Variants in IQUB observed in about 807,000 individuals in gnomAD.
IQUB encodes the protein IQ motif and ubiquitin-like domain-containing protein.
IQUB carries 86 observed loss-of-function variants against 86.4 expected under a neutral mutation model. The observed-to-expected ratio is 1.00, with a 90% confidence interval of 0.84 to 1.19. The LOEUF is 1.19. Ranked by LOEUF, IQUB falls within the 50% of genes most tolerant of loss-of-function variation. The probability of loss-of-function intolerance (pLI) is 0.00; values close to 1 mark genes in which losing one functional copy is unlikely to be tolerated. For missense variants in IQUB, 946 were observed against 916.9 expected, an observed-to-expected ratio of 1.03 and a Z score of -0.41; for synonymous variants, 289 against 304.5, an observed-to-expected ratio of 0.95 and a Z score of 0.53.
At chr7:123,462,880 T>A (rs1463012404) in intron 10 of IQUB, 1 of 454,006 alleles carries the variant, frequency 2.2e-6, no homozygotes, top group Admixed American at 2.4e-5. Flanking sequence ...ATGATTATGA[T>A]GACAGAGGGC....
At chr7:123,483,650 T>C (rs556717068) in intron 7 of IQUB, among the ~76,000 whole-genome samples, 1 of 152,222 alleles carries the variant, frequency 6.6e-6, no homozygotes, top group South Asian at 2.1e-4. Flanking sequence ...TCTCCTTGGC[T>C]GGACATACTA....
chr7:123,522,406 G>C (rs1796948790), intron 1 of IQUB, among the ~76,000 whole-genome samples: 1 of 152,288 alleles, frequency 6.6e-6, no homozygotes, highest in East Asian at 1.9e-4. Context: ...CACAGTTCCT[G>C]ATACTTACTA....
Position 123,503,363 on chromosome 7 carries a change from C to G in IQUB, c.533G>C (p.Gly178Ala), listed in dbSNP as rs375376400. ...AGTCTCATTATTTTTAAGAATTTTT[C>G]CTAAAAATTGAAATAAAATTTTTAA... ...PHSVLQIRYS[G>A]KILKNNETLV... The change falls in exon 4 of 13, where the codon GGA (glycine) becomes GCA (alanine). Residue 178 changes from glycine (G) to alanine (A), a missense_variant and splice_region_variant. Gly to Ala is a moderately conservative substitution (Grantham distance 60). Transcript: ENST00000324698. 65 of 1,459,246 alleles carry G rather than the reference C, an allele frequency of 4.5e-5. No homozygotes were observed. Among genetic ancestry groups the G allele is most frequent in the Non-Finnish European group, 5.6e-5 (60 of 1,080,924 alleles). 90.4% of individuals were successfully genotyped at this position (1,459,246 alleles called of 1,614,324 possible).
At chr7:123,462,629 G>C in intron 10 of IQUB, 1 of 256,154 alleles carries the variant, frequency 3.9e-6, no homozygotes, top group Admixed American at 4.4e-5. Flanking sequence ...TATGATCAAA[G>C]ATCAAGAAGA....
At position 123,512,859 on chromosome 7, in the gene IQUB, A is replaced by G. The variant is rs149289858; in HGVS notation, c.-4-515T>C. 1.9e-3 allele frequency among the ~76,000 whole-genome samples: 286 copies of G among 152,238 alleles called. 2 individuals carry two copies. Among genetic ancestry groups the G allele is most frequent in the African/African-American group, 6.6e-3 (273 of 41,552 alleles). ...AATAAACCTATTACAACAAATATGG[A>G]TTGAGCTTGGAGCTGACTAGACCCA... On this transcript the variant is annotated intron_variant, in intron 1 of 12. Coordinates refer to ENST00000324698, the MANE Select transcript of IQUB (RefSeq NM_178827.5).
chr7:123,452,963 GA>G (rs1458687995), intron 12 of IQUB, 38 bp from the exon 13 acceptor site: 2 of 1,520,976 alleles, frequency 1.3e-6, no homozygotes, highest in South Asian at 2.4e-5. Flanking sequence ...AAATATCACA[GA>G]TATATTTTGC....
chr7:123,457,240 T>C (rs1301183928), intron 12 of IQUB, 141 bp downstream of exon 12: 14 of 1,411,686 alleles, frequency 9.9e-6, no homozygotes, highest in Non-Finnish European at 1.3e-5. Context: ...CATCCATAAA[T>C]TTTTTTGTTG....
At chr7:123,493,916 T>C (rs1275034432) in intron 7 of IQUB, among the ~76,000 whole-genome samples, 8 of 151,798 alleles carry the variant, frequency 5.3e-5, no homozygotes, top group Admixed American at 5.3e-4. Flanking sequence ...CACAGTAAAA[T>C]GGATACATAA....
chr7:123,498,316 C>T (rs898801563), intron 6 of IQUB, among the ~76,000 whole-genome samples: 40 of 151,800 alleles, frequency 2.6e-4, no homozygotes, highest in African/African-American at 9.7e-4. Flanking sequence ...TTCATGAGCC[C>T]TCCAGATGAT....
intron 8 of IQUB, among the ~76,000 whole-genome samples, chr7:123,471,557 A>T (rs1334270196): frequency 1.3e-5 from 2 of 152,218 alleles, no homozygotes; most frequent in African/African-American, 4.8e-5. Flanking sequence ...TTCAAATACA[A>T]TAACCTTTTT....
At chr7:123,461,759 C>T (rs1794000262) in intron 10 of IQUB, 154 bp from the exon 11 acceptor site, 2 of 613,700 alleles carry the variant, frequency 3.3e-6, no homozygotes, top group South Asian at 8.4e-5. Context: ...TTATTTTTCC[C>T]TGAACTTCTT....
chr7:123,454,245 A>G (rs1793583422), intron 12 of IQUB, among the ~76,000 whole-genome samples: 1 of 152,142 alleles, frequency 6.6e-6, no homozygotes, highest in Non-Finnish European at 1.5e-5. Context: ...ATATTAACTT[A>G]CACATGTACA....
chr7:123,469,810 C>G (rs888600992), intron 8 of IQUB, among the ~76,000 whole-genome samples: 3 of 152,000 alleles, frequency 2.0e-5, no homozygotes, highest in African/African-American at 7.3e-5. Context: ...ATATTTAGAC[C>G]TAAAGATATA....
chr7:123,507,937 T>G (rs1431977597), intron 3 of IQUB, among the ~76,000 whole-genome samples: 1 of 152,020 alleles, frequency 6.6e-6, no homozygotes, highest in Non-Finnish European at 1.5e-5. Context: ...CTGCCCCAAG[T>G]ATGTCTACAT....
chr7:123,481,313 T>C (rs1412675040), intron 7 of IQUB, among the ~76,000 whole-genome samples: 1 of 152,100 alleles, frequency 6.6e-6, no homozygotes, highest in Admixed American at 6.6e-5. Context: ...TTTGACTCAT[T>C]TTCTGTCCAT....
At chr7:123,530,796 C>T (rs1287263112) in intron 1 of IQUB, among the ~76,000 whole-genome samples, 1 of 151,058 alleles carries the variant, frequency 6.6e-6, no homozygotes, top group Non-Finnish European at 1.5e-5. Context: ...CCTGCCTCAG[C>T]CTCCCCAGTA....
At chr7:123,481,173 G>A (rs1447445970) in intron 7 of IQUB, among the ~76,000 whole-genome samples, 1 of 152,094 alleles carries the variant, frequency 6.6e-6, no homozygotes, top group African/African-American at 2.4e-5. Flanking sequence ...TAGCCTGTGA[G>A]GCAACACGGC....
At chr7:123,527,829 G>A (rs2117375784) in intron 1 of IQUB, among the ~76,000 whole-genome samples, 1 of 152,342 alleles carries the variant, frequency 6.6e-6, no homozygotes, top group African/African-American at 2.4e-5. Flanking sequence ...TCCTTGAGCT[G>A]TGGTGGGCTC....
chr7:123,494,253 C>T (rs781357179), intron 7 of IQUB, among the ~76,000 whole-genome samples: 4 of 152,012 alleles, frequency 2.6e-5, no homozygotes, highest in African/African-American at 4.8e-5. Flanking sequence ...TTACCTTATA[C>T]AGCTAAGTTT....
Sources: gnomAD v4.1 joint callset for allele counts (sites outside exome capture counted in the v4.1 genomes callset) on GRCh38, gnomAD v4.1.1 for gene constraint, MANE v1.5 for transcripts, NCBI Gene and HGNC (gene_info 2026-07-23, HGNC 2026-07-21) for gene names.